Variants in LRRC37A2 observed in about 807,000 individuals in gnomAD.
The protein encoded by LRRC37A2 is leucine-rich repeat-containing protein 37A2.
LRRC37A2 carries 9 observed loss-of-function variants against 68.8 expected under a neutral mutation model. The ratio of observed to expected loss-of-function variants is 0.13; its 90% CI spans 0.08 to 0.23. LRRC37A2 has a LOEUF of 0.23. Ranked by LOEUF, LRRC37A2 falls within the 10% of genes least tolerant of loss-of-function variation. LRRC37A2 has a pLI of 1.00. For synonymous variants in LRRC37A2, 63 were observed against 367.6 expected, an observed-to-expected ratio of 0.17 and a Z score of 9.48; for missense variants, 168 against 950.4, an observed-to-expected ratio of 0.18 and a Z score of 10.82.
chr17:46,859,125 C>T, the LRRC37A2 span, among the ~76,000 whole-genome samples: 1 of 151,834 alleles, frequency 6.6e-6, no homozygotes, highest in African/African-American at 2.4e-5. Context: ...TACAGATGCC[C>T]GCCACTGTGC....
chr17:46,503,211 CAA>C, the LRRC37A2 span, among the ~76,000 whole-genome samples: 2 of 72,610 alleles, frequency 2.8e-5, no homozygotes. Context: ...GACTCCGTCT[CAA>C]AAAAAAAAAA....
At chr17:46,964,282 A>T in the LRRC37A2 span, 1 of 152,246 alleles carries the variant, frequency 6.6e-6, no homozygotes, top group African/African-American at 2.4e-5. Context: ...TCAGGCTAGG[A>T]CACATTGGAC....
upstream of LRRC37A2, among the ~76,000 whole-genome samples, chr17:46,511,160 ATTAT>A (rs1280299782): frequency 1.6e-5 from 2 of 121,588 alleles, no homozygotes; most frequent in Non-Finnish European, 3.5e-5. Flanking sequence ...CAAAACAGTC[ATTAT>A]TTACTATTTA....
At chr17:46,404,726 C>T in the LRRC37A2 span, among the ~76,000 whole-genome samples, 451 of 100,900 alleles carry the variant, frequency 4.5e-3, 108 homozygotes, top group African/African-American at 0.014. Context: ...AAAAATTAGC[C>T]GGGCGTGGTG....
chr17:46,839,976 CTCTTCT>C, the LRRC37A2 span, among the ~76,000 whole-genome samples: 1 of 100,938 alleles, frequency 9.9e-6, no homozygotes, highest in Non-Finnish European at 2.1e-5. Context: ...TTCTTTCTTT[CTCTTCT>C]TTCTTTCTTT....
At chr17:46,769,824 G>C in the LRRC37A2 span, 1 of 1,613,038 alleles carries the variant, frequency 6.2e-7, no homozygotes, top group Non-Finnish European at 8.5e-7. Flanking sequence ...ATGGCCGAGC[G>C]CGCGTCCGGC....
the LRRC37A2 span, among the ~76,000 whole-genome samples, chr17:46,890,493 C>T: frequency 2.0e-5 from 3 of 152,090 alleles, no homozygotes; most frequent in Non-Finnish European, 2.9e-5. Flanking sequence ...CCAGGACCCT[C>T]GAGGTAGACT....
the LRRC37A2 span, among the ~76,000 whole-genome samples, chr17:46,456,492 G>A: frequency 4.8e-5 from 1 of 20,830 alleles, no homozygotes; most frequent in Non-Finnish European, 1.1e-4. Context: ...ACCTTTAACT[G>A]GCAGCATTTC....
chr17:46,761,249 AG>A, the LRRC37A2 span, among the ~76,000 whole-genome samples: 2 of 151,906 alleles, frequency 1.3e-5, no homozygotes, highest in African/African-American at 4.8e-5. Flanking sequence ...TCCTAACCTC[AG>A]GTCACAGGTC....
the LRRC37A2 span, among the ~76,000 whole-genome samples, chr17:46,974,943 A>G: frequency 2.0e-5 from 3 of 147,174 alleles, no homozygotes; most frequent in Non-Finnish European, 4.5e-5. Context: ...TTATGAAAGT[A>G]CTCTGAAAAC....
chr17:46,768,677 C>T, the LRRC37A2 span: 35 of 1,614,176 alleles, frequency 2.2e-5, no homozygotes, highest in African/African-American at 2.7e-4. The surrounding 1 kb of genome is among the most constrained non-coding windows in gnomAD (Gnocchi z 5.0). Context: ...CGCTGTCATA[C>T]TTGTCCTTGA....
chr17:46,771,261 G>A, the LRRC37A2 span, among the ~76,000 whole-genome samples: 1 of 152,148 alleles, frequency 6.6e-6, no homozygotes, highest in Non-Finnish European at 1.5e-5. Context: ...CGAGGACGGC[G>A]GCAAGGGGGC....
chr17:46,911,085 C>T, the LRRC37A2 span, among the ~76,000 whole-genome samples: 31 of 152,176 alleles, frequency 2.0e-4, no homozygotes, highest in African/African-American at 7.0e-4. Context: ...ATCACTGTGA[C>T]AATAACACTC....
At chr17:46,773,062 G>A in the LRRC37A2 span, among the ~76,000 whole-genome samples, 2 of 152,138 alleles carry the variant, frequency 1.3e-5, no homozygotes, top group African/African-American at 2.4e-5. Context: ...CAGGTTCAAA[G>A]TCAAATCATG....
the LRRC37A2 span, among the ~76,000 whole-genome samples, chr17:47,031,156 T>C: frequency 1.3e-5 from 2 of 149,100 alleles, no homozygotes; most frequent in African/African-American, 4.9e-5. Flanking sequence ...AGCAGGGTGA[T>C]AGGGTCAGTC....
At chr17:46,598,499 TC>T in the LRRC37A2 span, among the ~76,000 whole-genome samples, 2 of 152,234 alleles carry the variant, frequency 1.3e-5, no homozygotes, top group Non-Finnish European at 2.9e-5. Context: ...ATCTCTTTCT[TC>T]ATAAGTCCTT....
chr17:46,816,409 C>A, the LRRC37A2 span, among the ~76,000 whole-genome samples: 1 of 150,970 alleles, frequency 6.6e-6, no homozygotes, highest in Non-Finnish European at 1.5e-5. Flanking sequence ...GGCACAAACA[C>A]TTTTGCACAC....
At chr17:46,843,794 A>C in the LRRC37A2 span, among the ~76,000 whole-genome samples, 1 of 152,200 alleles carries the variant, frequency 6.6e-6, no homozygotes, top group African/African-American at 2.4e-5. Flanking sequence ...ACTTATATAG[A>C]TATGTCAGAA....
the LRRC37A2 span, chr17:46,941,255 C>T: frequency 1.0e-6 from 1 of 987,750 alleles, no homozygotes; most frequent in East Asian, 1.1e-4. Context: ...GTTCTGTACA[C>T]CCTTTGCCCT....
Sources: gnomAD v4.1 joint callset for allele counts (sites outside exome capture counted in the v4.1 genomes callset) on GRCh38, gnomAD v4.1.1 for gene constraint, Gnocchi (gnomAD v3.1) non-coding constraint, MANE v1.5 for transcripts, NCBI Gene and HGNC (gene_info 2026-07-23, HGNC 2026-07-21) for gene names.